The following MGAT4C variants were observed in gnomAD, a reference collection of about 807,000 sequenced individuals.
MGAT4C encodes the protein alpha-1,3-mannosyl-glycoprotein 4-beta-N-acetylglucosaminyltransferase C.
MGAT4C carries 19 observed loss-of-function variants against 40.1 expected under a neutral mutation model. The ratio of observed to expected loss-of-function variants is 0.47; its 90% CI spans 0.33 to 0.70. MGAT4C has a LOEUF of 0.70. MGAT4C is among the 30% of genes least tolerant of loss of function. The pLI is 0.02. For synonymous variants in MGAT4C, 181 were observed against 187.1 expected (o/e 0.97, Z 0.27); for missense variants, 491 against 563.2 (o/e 0.87, Z 1.30).
At chr12:86,806,210 A>C in intron 1 of MGAT4C, among the ~76,000 whole-genome samples, 1 of 151,918 alleles carries the variant, frequency 6.6e-6, no homozygotes, top group Non-Finnish European at 1.5e-5. Flanking sequence ...TTGCAAATAT[A>C]TTTTATTGCA....
rs1463536032 is a variant in MGAT4C, at chr12:86,657,984, T to C, written c.-229+69225A>G. On this transcript the variant is annotated intron_variant, in intron 2 of 7. Transcript: ENST00000548651. ...AGAACATAGCCTACTTTAATAATCA[T>C]GAAGAAAGCTTATTAAGAATTATTT... 6.6e-5 allele frequency among the ~76,000 whole-genome samples: 10 copies of C among 152,056 alleles called. No homozygotes were observed. The East Asian group carries it at 1.4e-3, about 21-fold the overall frequency.
chr12:86,618,303 A>C (rs576287000), intron 2 of MGAT4C, among the ~76,000 whole-genome samples: 1 of 152,320 alleles, frequency 6.6e-6, no homozygotes, highest in East Asian at 1.9e-4. Flanking sequence ...AACTAGCACA[A>C]GATAGAACAA....
chr12:86,229,874 T>G (rs1428897782), intron 1 of MGAT4C, among the ~76,000 whole-genome samples: 1 of 152,060 alleles, frequency 6.6e-6, no homozygotes, highest in Non-Finnish European at 1.5e-5. Context: ...AATATGGATA[T>G]GTAGATGTCC....
chr12:85,996,887 A>G (rs1886686138), intron 2 of MGAT4C, among the ~76,000 whole-genome samples: 1 of 152,214 alleles, frequency 6.6e-6, no homozygotes, highest in Admixed American at 6.5e-5. Context: ...TCAATAATTG[A>G]CTGAACATGC....
intron 2 of MGAT4C, among the ~76,000 whole-genome samples, chr12:86,457,156 CTT>C (rs1455624144): frequency 2.0e-5 from 3 of 151,778 alleles, no homozygotes; most frequent in African/African-American, 7.3e-5. Context: ...TTATTTTTTC[CTT>C]TGTGTCATTG....
At chr12:86,230,352 T>C (rs547770784) in intron 1 of MGAT4C, among the ~76,000 whole-genome samples, 2 of 152,204 alleles carry the variant, frequency 1.3e-5, no homozygotes, top group African/African-American at 4.8e-5. Context: ...ACACTCTATA[T>C]GAAAAGGGAA....
intron 2 of MGAT4C, among the ~76,000 whole-genome samples, chr12:86,662,721 C>G (rs183349936): frequency 1.2e-4 from 19 of 152,184 alleles, no homozygotes; most frequent in Admixed American, 1.1e-3. Context: ...TGGTAGCTCT[C>G]ATTTGAGTTG....
chr12:86,380,181 T>A (rs1049563844), intron 3 of MGAT4C, among the ~76,000 whole-genome samples: 1 of 151,970 alleles, frequency 6.6e-6, no homozygotes, highest in African/African-American at 2.4e-5. Context: ...TTGATCTACA[T>A]CACAATACAC....
At chr12:86,463,005 A>G (rs1046820804) in intron 2 of MGAT4C, among the ~76,000 whole-genome samples, 3 of 151,898 alleles carry the variant, frequency 2.0e-5, no homozygotes, top group South Asian at 2.1e-4. Context: ...AATATTAACC[A>G]TCACAACCTC....
chr12:86,396,857 A>G (rs1363950286), intron 3 of MGAT4C, among the ~76,000 whole-genome samples: 1 of 130,244 alleles, frequency 7.7e-6, no homozygotes, highest in Non-Finnish European at 1.7e-5. Flanking sequence ...TATCCAGGGG[A>G]TTTTCCAACA....
intron 1 of MGAT4C, among the ~76,000 whole-genome samples, chr12:86,829,830 C>A (rs1164491330): frequency 6.7e-6 from 1 of 149,996 alleles, no homozygotes; most frequent in Non-Finnish European, 1.5e-5. Context: ...AGCAACCTCA[C>A]AATAACTTGA....
intron 1 of MGAT4C, among the ~76,000 whole-genome samples, chr12:86,170,207 A>G (rs376542876): frequency 1.3e-5 from 2 of 152,218 alleles, no homozygotes. Context: ...AGACTGGGAC[A>G]GTCTTGAGCA....
At chr12:86,257,989 T>C (rs139074586), upstream of MGAT4C, among the ~76,000 whole-genome samples, 1,070 of 134,708 alleles carry the variant, frequency 7.9e-3, 5 homozygotes, top group Non-Finnish European at 9.8e-3. Context: ...AAGCTTGTTA[T>C]ATAAAATAAA....
At position 86,309,167 on chromosome 12, in the gene MGAT4C, T is replaced by A. The variant is rs567669587; in HGVS notation, c.-57+24898A>T. On this transcript the variant is annotated intron_variant, in intron 4 of 7. Coordinates refer to the MGAT4C transcript ENST00000548651. ...ACTTGCTTGCTGATTCAGAACAAAA[T>A]CAAATAAGTATTTTGGCCTTTCTTT... Among the ~76,000 whole-genome samples, 2 of 150,442 alleles carry A rather than the reference T, an allele frequency of 1.3e-5. 1 individual carries two copies. Among genetic ancestry groups the A allele is most frequent in the African/African-American group, 5.0e-5 (2 of 39,890 alleles).
At chr12:86,837,808 C>A (rs1953067987) in intron 1 of MGAT4C, among the ~76,000 whole-genome samples, 1 of 152,162 alleles carries the variant, frequency 6.6e-6, no homozygotes, top group Non-Finnish European at 1.5e-5. Context: ...AGAACATACA[C>A]ACACACACCT....
chr12:86,354,337 C>T (rs1955255346), intron 3 of MGAT4C, among the ~76,000 whole-genome samples: 1 of 152,140 alleles, frequency 6.6e-6, no homozygotes, highest in Non-Finnish European at 1.5e-5. Context: ...CTCTAAATTA[C>T]AATTATCTAT....
rs200440995 is a variant in MGAT4C, at chr12:86,345,871, CA to C, written c.-119-11745del. On this transcript the variant is annotated intron_variant, in intron 3 of 7. Coordinates refer to the MGAT4C transcript ENST00000548651. ...TTGAACTAGTTTAAAGTCCCACCAA[CA>C]GTGTAAAAGTGTTCCTATTTCTCCA... 9.9e-5 allele frequency among the ~76,000 whole-genome samples: 15 copies of C among 151,800 alleles called. No individual in the cohort carries two copies. In the South Asian group the frequency reaches 1.1e-3, roughly 11 times the overall value.
intron 1 of MGAT4C, among the ~76,000 whole-genome samples, chr12:86,763,333 T>C (rs1314163151): frequency 6.6e-6 from 1 of 152,208 alleles, no homozygotes; most frequent in Non-Finnish European, 1.5e-5. Flanking sequence ...CTTCCCCCAC[T>C]TTACTCCTTT....
intron 3 of MGAT4C, among the ~76,000 whole-genome samples, chr12:86,387,378 T>A (rs988115590): frequency 2.0e-5 from 3 of 152,134 alleles, no homozygotes; most frequent in Admixed American, 1.3e-4. Context: ...TATGTTTATA[T>A]GTGTGTATTT....
Sources: gnomAD v4.1 joint callset for allele counts (sites outside exome capture counted in the v4.1 genomes callset) on GRCh38, gnomAD v4.1.1 for gene constraint, MANE v1.5 for transcripts, NCBI Gene and HGNC (gene_info 2026-07-23, HGNC 2026-07-21) for gene names.